Variants in UBE2G1 observed in about 807,000 individuals in gnomAD.
The protein encoded by UBE2G1 is ubiquitin conjugating enzyme E2 G1.
Under a neutral mutation model 22.7 loss-of-function variants are expected in UBE2G1, and 5 were observed. The observed-to-expected ratio is 0.22, with a 90% confidence interval of 0.12 to 0.46. The LOEUF is 0.46. Ranked by LOEUF, UBE2G1 falls within the 20% of genes least tolerant of loss-of-function variation. The pLI is 0.99. For missense variants in UBE2G1, 88 were observed against 203.9 expected, an observed-to-expected ratio of 0.43 and a Z score of 3.46; for synonymous variants, 74 against 67.5, an observed-to-expected ratio of 1.10 and a Z score of -0.47.
chr17:4,347,695 T>C (rs1969795765), intron 1 of UBE2G1, among the ~76,000 whole-genome samples: 1 of 152,116 alleles, frequency 6.6e-6, no homozygotes, highest in Non-Finnish European at 1.5e-5. Flanking sequence ...CAGGCTGGTC[T>C]CAAACTCCTG....
chr17:4,339,608 G>A lies in UBE2G1; in HGVS notation c.46+26663C>T, dbSNP rs552642613. ...GCGTGAGCCACCGCGCCTGGCTCAA[G>A]CTCTTAACTCTTTTGGGCGGATCAC... On this transcript the variant is annotated intron_variant, in intron 1 of 5. Transcript: ENST00000396981. Among the ~76,000 whole-genome samples the A allele has an allele frequency of 4.4e-3, 669 of 152,172 alleles. 4 individuals carry two copies. Among genetic ancestry groups the A allele is most frequent in the Non-Finnish European group, 7.1e-3 (480 of 67,984 alleles).
rs1219316614 is a variant in UBE2G1, at chr17:4,366,399, C to T, written c.-83G>A. 2.3e-6 allele frequency: 3 copies of T among 1,325,622 alleles called. No individual in the cohort carries two copies. The highest frequency in any genetic ancestry group is 1.5e-5 in the African/African-American group (1 of 65,452). 82.1% of individuals were successfully genotyped at this position (1,325,622 alleles called of 1,614,324 possible). On this transcript the variant is annotated 5_prime_UTR_variant, in exon 1 of 6. Coordinates refer to ENST00000396981, the MANE Select transcript of UBE2G1 (RefSeq NM_003342.5). ...CTGGGGGCGGCTGGAGCGGGGTGTG[C>T]CGAGGAACCCGGGCCCCGCGACCGG...
At chr17:4,328,569 C>T (rs995529626) in intron 1 of UBE2G1, among the ~76,000 whole-genome samples, 2 of 152,184 alleles carry the variant, frequency 1.3e-5, no homozygotes, top group Non-Finnish European at 2.9e-5. Flanking sequence ...CATGCTTGCT[C>T]CTTAGCTTCT....
intron 5 of UBE2G1, among the ~76,000 whole-genome samples, chr17:4,278,915 G>T (rs1445626702): frequency 1.4e-4 from 21 of 152,100 alleles, no homozygotes; most frequent in Admixed American, 1.4e-3. Flanking sequence ...TTAAACCTTT[G>T]CATTTGATAC....
At chr17:4,297,517 C>A (rs1296391900) in intron 2 of UBE2G1, among the ~76,000 whole-genome samples, 2 of 152,186 alleles carry the variant, frequency 1.3e-5, no homozygotes, top group Non-Finnish European at 1.5e-5. Context: ...AGATCACTGA[C>A]ACTTAATCAG....
In UBE2G1 at chr17:4,366,345, C is replaced by A. The variant is rs760136926; in HGVS notation, c.-29G>T. The A allele has an allele frequency of 4.6e-6, 7 of 1,524,298 alleles. No homozygotes were observed. The highest frequency in any genetic ancestry group is 5.2e-6 in the Non-Finnish European group (6 of 1,145,312). 94.4% of individuals were successfully genotyped at this position (1,524,298 alleles called of 1,614,324 possible). ...CCCTGCCGAGGGCCCGGGCTGGCGCCGGGGCTTCCGAAGGGCTGGGGACAG... is the reference window on the plus strand; with the variant it reads ...CCCTGCCGAGGGCCCGGGCTGGCGCAGGGGCTTCCGAAGGGCTGGGGACAG... On this transcript the variant is annotated 5_prime_UTR_variant, in exon 1 of 6. Coordinates refer to ENST00000396981, the MANE Select transcript of UBE2G1 (RefSeq NM_003342.5).
At chr17:4,355,679 G>A (rs910752507) in intron 1 of UBE2G1, among the ~76,000 whole-genome samples, 3 of 148,876 alleles carry the variant, frequency 2.0e-5, no homozygotes, top group African/African-American at 7.4e-5. Flanking sequence ...ATTTACTACT[G>A]GCTGCTCTGC....
intron 1 of UBE2G1, among the ~76,000 whole-genome samples, chr17:4,361,959 C>CAA (rs35792021): frequency 0.076 from 5,135 of 67,894 alleles, 527 homozygotes; most frequent in African/African-American, 0.22. Context: ...AAGACTGTCT[C>CAA]AAAAAAAAAA....
At chr17:4,353,296 T>G (rs979208620) in intron 1 of UBE2G1, among the ~76,000 whole-genome samples, 3 of 151,938 alleles carry the variant, frequency 2.0e-5, no homozygotes, top group African/African-American at 7.3e-5. Context: ...TCTCAACAAG[T>G]GTCACTTGCT....
chr17:4,361,959 CAAAAAAAAAAA>C (rs35792021), intron 1 of UBE2G1, among the ~76,000 whole-genome samples: 4 of 69,096 alleles, frequency 5.8e-5, no homozygotes, highest in African/African-American at 2.1e-4. Context: ...AAGACTGTCT[CAAAAAAAAAAA>C]AAAAAAAAAA....
chr17:4,348,152 G>A (rs1284039997), intron 1 of UBE2G1, among the ~76,000 whole-genome samples: 1 of 152,190 alleles, frequency 6.6e-6, no homozygotes, highest in Non-Finnish European at 1.5e-5. Context: ...CAACTACTTG[G>A]GAGGCTGAGG....
chr17:4,331,797 A>AGGCT, intron 1 of UBE2G1: 1 of 152,346 alleles, frequency 6.6e-6, no homozygotes, highest in South Asian at 2.1e-4. Flanking sequence ...CGAAGGAGGA[A>AGGCT]GGCTAATCTT....
At chr17:4,310,602 G>A (rs1312285714) in intron 1 of UBE2G1, among the ~76,000 whole-genome samples, 1 of 152,158 alleles carries the variant, frequency 6.6e-6, no homozygotes, top group Admixed American at 6.5e-5. Flanking sequence ...GCCTTTGTAA[G>A]CCCTGCATGC....
chr17:4,340,016 C>T (rs1404331021), intron 1 of UBE2G1, among the ~76,000 whole-genome samples: 1 of 152,160 alleles, frequency 6.6e-6, no homozygotes, highest in Admixed American at 6.5e-5. Flanking sequence ...TCACTGCAGC[C>T]CTGGCTGTGG....
intron 5 of UBE2G1, among the ~76,000 whole-genome samples, chr17:4,280,323 C>T (rs540744299): frequency 7.2e-6 from 1 of 138,868 alleles, no homozygotes; most frequent in Non-Finnish European, 1.5e-5. Flanking sequence ...AAGTGTGAGC[C>T]GCGGCACCTG....
chr17:4,366,032 C>A (rs1354772298), intron 1 of UBE2G1, among the ~76,000 whole-genome samples: 2 of 152,070 alleles, frequency 1.3e-5, no homozygotes, highest in Admixed American at 1.3e-4. Flanking sequence ...CCTCTCCGAC[C>A]CCCCGGGCGC....
At position 4,358,945 on chromosome 17, in the gene UBE2G1, T is replaced by TC. The variant is rs552379471; in HGVS notation, c.46+7325dup. Among the ~76,000 whole-genome samples, 234 of 150,194 alleles carry TC rather than the reference T, an allele frequency of 1.6e-3. 6 individuals are homozygous for TC. In the East Asian group the frequency reaches 0.035, roughly 23 times the overall value. On this transcript the variant is annotated intron_variant, in intron 1 of 5. Transcript: ENST00000396981. Reference sequence around the variant, plus strand: ...TAAGCCTGGGCAACAAGAGCGAAACTCCATCTCAAAAAAATAAAATTAAAA... The same window carrying TC: ...TAAGCCTGGGCAACAAGAGCGAAACTCCCATCTCAAAAAAATAAAATTAAAA...
In UBE2G1 at chr17:4,353,425, CCATA is replaced by C. The variant is rs559503556; in HGVS notation, c.46+12842_46+12845del. ...TAAACTAGTGTCGATCAACGAAACC[CCATA>C]TATATATAGAGTTTCGTTGATATAT... is the stretch of plus-strand genomic sequence containing the variant. On this transcript the variant is annotated intron_variant, in intron 1 of 5. Transcript: ENST00000396981. 3.1e-4 allele frequency among the ~76,000 whole-genome samples: 46 copies of C among 150,536 alleles called. 1 individual carries two copies. The Middle Eastern group carries it at 0.01, about 34-fold the overall frequency.
At chr17:4,361,048 C>A (rs1444216888) in intron 1 of UBE2G1, among the ~76,000 whole-genome samples, 1 of 151,588 alleles carries the variant, frequency 6.6e-6, no homozygotes, top group African/African-American at 2.4e-5. Flanking sequence ...CACGGCGAAA[C>A]CCTGTCTCAA....
Sources: allele counts gnomAD v4.1 joint callset (sites outside exome capture counted in the v4.1 genomes callset), GRCh38; gene constraint gnomAD v4.1.1; transcripts MANE v1.5; gene names NCBI Gene and HGNC (gene_info 2026-07-23, HGNC 2026-07-21).